Variants in TRPS1 observed in about 807,000 individuals in gnomAD.
The protein encoded by TRPS1 is zinc finger transcription factor Trps1.
TRPS1 carries 6 observed loss-of-function variants against 101.2 expected under a neutral mutation model. The ratio of observed to expected loss-of-function variants is 0.06; its 90% confidence interval spans 0.03 to 0.12. The LOEUF (loss-of-function observed/expected upper bound fraction) is 0.12. Ranked by LOEUF, TRPS1 falls within the 10% of genes least tolerant of loss-of-function variation. TRPS1 has a pLI of 1.00. For missense variants in TRPS1, 1,363 were observed against 1,567.0 expected (o/e 0.87, Z 2.20); for synonymous variants, 578 against 589.8 (o/e 0.98, Z 0.29).
In TRPS1 at chr8:115,573,295, T is replaced by G. The variant is rs556715601; in HGVS notation, c.2700+13706A>C. The stretch of plus-strand genomic sequence containing the variant: ...TCTGTAAAATGGAGAAAATACAGCA[T>G]CTATATAAAGGGGTTATAATGAGGA... On this transcript the variant is annotated intron_variant, in intron 5 of 6. Coordinates refer to ENST00000395715, the MANE Select transcript of TRPS1 (RefSeq NM_014112.5). Among the ~76,000 whole-genome samples the G allele has an allele frequency of 3.9e-5, 6 of 152,234 alleles. No homozygotes were observed. In the East Asian group the frequency reaches 1.2e-3, roughly 29 times the overall value.
At chr8:115,654,181 A>C (rs1016125480) in intron 1 of TRPS1, among the ~76,000 whole-genome samples, 1 of 152,226 alleles carries the variant, frequency 6.6e-6, no homozygotes, top group Non-Finnish European at 1.5e-5. Flanking sequence ...ATAATCAATA[A>C]ACATAAATGG....
At chr8:115,609,620 C>T (rs1818118209) in intron 3 of TRPS1, among the ~76,000 whole-genome samples, 1 of 152,144 alleles carries the variant, frequency 6.6e-6, no homozygotes, top group Non-Finnish European at 1.5e-5. Context: ...CAAGAAACTA[C>T]AAAATGCATC....
chr8:115,422,325 A>C (rs1487301666), intron 5 of TRPS1, among the ~76,000 whole-genome samples: 8 of 152,100 alleles, frequency 5.3e-5, no homozygotes, highest in Admixed American at 5.2e-4. Flanking sequence ...GATGATATAG[A>C]AGACACATTC....
At chr8:115,617,261 G>A (rs372476819) in intron 3 of TRPS1, among the ~76,000 whole-genome samples, 9 of 152,032 alleles carry the variant, frequency 5.9e-5, no homozygotes, top group East Asian at 3.9e-4. Context: ...TGTCTTCCTC[G>A]GTGTGTGCTG....
chr8:115,595,316 C>T (rs985516745), intron 4 of TRPS1, among the ~76,000 whole-genome samples: 7 of 151,880 alleles, frequency 4.6e-5, no homozygotes, highest in Non-Finnish European at 7.4e-5. Flanking sequence ...AAATGAAAAA[C>T]GAGAAGAGAG....
intron 5 of TRPS1, among the ~76,000 whole-genome samples, chr8:115,465,117 T>A (rs1814284860): frequency 6.6e-6 from 1 of 152,034 alleles, no homozygotes; most frequent in South Asian, 2.1e-4. Context: ...CATTTCAATT[T>A]CACTTCAGAG....
At position 115,423,350 on chromosome 8, in the gene TRPS1, C is replaced by T. The variant is rs183254560; in HGVS notation, c.2701-4898G>A. ...ACAAACAGTTAACTGCAAGGAGTTT[C>T]GAAGCCAGTGATTGCCTGGCAAATG... On this transcript the variant is annotated intron_variant, in intron 5 of 6. Transcript: ENST00000395715. Among the ~76,000 whole-genome samples the T allele has an allele frequency of 5.3e-5, 8 of 152,274 alleles. No individual in the cohort carries two copies. The East Asian group carries it at 9.6e-4, about 18-fold the overall frequency.
In TRPS1 at chr8:115,604,861, T is replaced by C; in HGVS notation, c.1108A>G (p.Thr370Ala). The change falls in exon 4 of 7, where the codon ACT becomes GCT. Residue 370 changes from threonine to alanine, a missense_variant. Physicochemically the swap from Thr to Ala is moderately conservative, Grantham distance 58. Transcript: ENST00000395715. The surrounding 1 kb of genome is among the most constrained non-coding windows in gnomAD (Gnocchi z 4.1). Reference sequence around the variant, plus strand: ...GAAGCTTTTATTTTGTTTGGGTGAGTCTGAAGAAAATGTTGTTCTAATTCG... The same window carrying C: ...GAAGCTTTTATTTTGTTTGGGTGAGCCTGAAGAAAATGTTGTTCTAATTCG... ...STELEQHFLQTHPNKIKASLP... is the reference protein window; with the variant it reads ...STELEQHFLQAHPNKIKASLP... 6.2e-7 allele frequency: 1 copy of C among 1,614,002 alleles called. No individual in the cohort carries two copies. The highest frequency in any genetic ancestry group is 8.5e-7 in the Non-Finnish European group (1 of 1,179,974).
chr8:115,487,256 GA>G (rs35864552), intron 5 of TRPS1, among the ~76,000 whole-genome samples: 23 of 147,622 alleles, frequency 1.6e-4, no homozygotes, highest in African/African-American at 4.5e-4. Flanking sequence ...CTACTTCTCA[GA>G]AAAAAAAAAA....
Position 115,590,209 on chromosome 8 carries a change from T to G in TRPS1, c.2097-2605A>C, listed in dbSNP as rs372971581. Among the ~76,000 whole-genome samples the G allele has an allele frequency of 3.3e-4, 51 of 152,262 alleles. 2 individuals carry two copies. Among genetic ancestry groups the G allele is most frequent in the African/African-American group, 1.1e-3 (46 of 41,554 alleles). ...ACACATAAATCCAAAATTACCCTACTGAATATATTCTACACAATATATTGA... is the reference window on the plus strand; with the variant it reads ...ACACATAAATCCAAAATTACCCTACGGAATATATTCTACACAATATATTGA... On this transcript the variant is annotated intron_variant, in intron 4 of 6. Coordinates refer to ENST00000395715, the MANE Select transcript of TRPS1 (RefSeq NM_014112.5).
intron 5 of TRPS1, among the ~76,000 whole-genome samples, chr8:115,568,439 TTTC>T (rs767100485): frequency 9.9e-5 from 15 of 152,158 alleles, no homozygotes; most frequent in Non-Finnish European, 2.1e-4. Context: ...AGATATTCTT[TTTC>T]TTCTTTCTAA....
chr8:115,630,356 T>C (rs566777718), intron 1 of TRPS1, among the ~76,000 whole-genome samples: 3 of 151,990 alleles, frequency 2.0e-5, no homozygotes, highest in Admixed American at 2.0e-4. Context: ...AGAATCTATC[T>C]AAACATACAC....
At chr8:115,595,421 G>A (rs185557550) in intron 4 of TRPS1, among the ~76,000 whole-genome samples, 1 of 151,980 alleles carries the variant, frequency 6.6e-6, no homozygotes, top group East Asian at 1.9e-4. Context: ...ATAGTCTACA[G>A]AACATAATCC....
chr8:115,531,210 G>T (rs986344552), intron 5 of TRPS1, among the ~76,000 whole-genome samples: 1 of 152,184 alleles, frequency 6.6e-6, no homozygotes, highest in Non-Finnish European at 1.5e-5. Flanking sequence ...AGGTGCCTGA[G>T]AAATTTTGAG....
intron 1 of TRPS1, among the ~76,000 whole-genome samples, chr8:115,653,706 C>T (rs1811615099): frequency 6.6e-6 from 1 of 152,130 alleles, no homozygotes. Context: ...ACAAGGCTGC[C>T]TTCTGGCTAA....
chr8:115,559,358 T>C (rs1053195834), intron 5 of TRPS1, among the ~76,000 whole-genome samples: 10 of 152,198 alleles, frequency 6.6e-5, no homozygotes, highest in African/African-American at 1.7e-4. Context: ...TCATCTTTGA[T>C]ACTGCATCAT....
At chr8:115,431,315 T>C (rs1163852118) in intron 5 of TRPS1, among the ~76,000 whole-genome samples, 1 of 152,108 alleles carries the variant, frequency 6.6e-6, no homozygotes, top group East Asian at 1.9e-4. Flanking sequence ...TCTATGTTAA[T>C]GTGCATATGC....
chr8:115,536,983 A>C (rs531396331), intron 5 of TRPS1, among the ~76,000 whole-genome samples: 59 of 152,226 alleles, frequency 3.9e-4, no homozygotes, highest in African/African-American at 1.3e-3. Context: ...CATTAGCAAA[A>C]ATTTCCTTAT....
chr8:115,631,529 T>C (rs752471721), intron 1 of TRPS1, among the ~76,000 whole-genome samples: 35 of 151,988 alleles, frequency 2.3e-4, no homozygotes, highest in African/African-American at 3.1e-4. Flanking sequence ...TAATAGCATA[T>C]TGGCACAAGG....
Sources: gnomAD v4.1 joint callset for allele counts (sites outside exome capture counted in the v4.1 genomes callset) on GRCh38, gnomAD v4.1.1 for gene constraint, Gnocchi (gnomAD v3.1) non-coding constraint, MANE v1.5 for transcripts, NCBI Gene and HGNC (gene_info 2026-07-23, HGNC 2026-07-21) for gene names.